Variants in PRKN observed in about 807,000 individuals in gnomAD.
The protein encoded by PRKN is parkin RBR E3 ubiquitin protein ligase.
PRKN carries 56 observed loss-of-function variants against 59.5 expected under a neutral mutation model. The ratio of observed to expected loss-of-function variants is 0.94; its 90% CI spans 0.76 to 1.18. PRKN has a LOEUF of 1.18. Among genes scored for constraint, PRKN ranks in the 50% most tolerant of loss-of-function variants. PRKN has a pLI of 0.00. For missense variants in PRKN, 657 were observed against 596.4 expected (o/e 1.10, Z -1.06); for synonymous variants, 250 against 222.1 (o/e 1.13, Z -1.12).
At chr6:162,439,027 A>G (rs1230797959) in intron 2 of PRKN, among the ~76,000 whole-genome samples, 4 of 151,976 alleles carry the variant, frequency 2.6e-5, no homozygotes, top group African/African-American at 9.7e-5. Context: ...CTATGTTCCA[A>G]CTTCCAGTTC....
chr6:162,191,347 T>A (rs913557884), intron 4 of PRKN, among the ~76,000 whole-genome samples: 2 of 152,210 alleles, frequency 1.3e-5, no homozygotes, highest in African/African-American at 4.8e-5. Flanking sequence ...TTCGTTACTA[T>A]CACTGGCCAT....
chr6:161,617,974 T>G (rs977129250), intron 7 of PRKN, among the ~76,000 whole-genome samples: 1 of 152,156 alleles, frequency 6.6e-6, no homozygotes, highest in African/African-American at 2.4e-5. Context: ...CTCACCTAAA[T>G]CTGACCAAAA....
At chr6:161,595,147 T>C (rs1157149779) in intron 7 of PRKN, among the ~76,000 whole-genome samples, 3 of 152,188 alleles carry the variant, frequency 2.0e-5, no homozygotes, top group Non-Finnish European at 2.9e-5. Flanking sequence ...TATATACTTG[T>C]TTCTATTGTG....
chr6:162,062,974 T>C (rs774936061), intron 4 of PRKN, among the ~76,000 whole-genome samples: 47 of 152,206 alleles, frequency 3.1e-4, no homozygotes, highest in Non-Finnish European at 4.9e-4. Context: ...AGGCTCTCTG[T>C]AGCAAATGTT....
chr6:162,207,047 C>A (rs1219859542), intron 3 of PRKN, among the ~76,000 whole-genome samples: 1 of 152,160 alleles, frequency 6.6e-6, no homozygotes, highest in Non-Finnish European at 1.5e-5. Flanking sequence ...TGAATCACCT[C>A]TTCTAAGGAC....
chr6:162,647,357 A>T (rs1344259429), intron 1 of PRKN, among the ~76,000 whole-genome samples: 1 of 152,150 alleles, frequency 6.6e-6, no homozygotes, highest in Non-Finnish European at 1.5e-5. Context: ...GAGAAAAAAC[A>T]TATTAGGTCA....
chr6:161,509,599 G>C (rs749106192), intron 9 of PRKN, among the ~76,000 whole-genome samples: 5 of 148,514 alleles, frequency 3.4e-5, no homozygotes, highest in Non-Finnish European at 7.4e-5. Flanking sequence ...AGAAAAAAAG[G>C]CTGGGCACGG....
At chr6:161,661,037 C>T (rs929225612) in intron 7 of PRKN, among the ~76,000 whole-genome samples, 1 of 152,150 alleles carries the variant, frequency 6.6e-6, no homozygotes, top group Admixed American at 6.5e-5. Flanking sequence ...TGGCTTCTCA[C>T]TGACCTCAGC....
In PRKN at chr6:161,468,442, T is replaced by G. The variant is rs1477739105; in HGVS notation, c.1083+80412A>C. Among the ~76,000 whole-genome samples the G allele has an allele frequency of 2.0e-5, 3 of 152,070 alleles. No homozygotes were observed. Among genetic ancestry groups the G allele is most frequent in the Non-Finnish European group, 4.4e-5 (3 of 68,020 alleles). On this transcript the variant is annotated intron_variant, in intron 9 of 11. Coordinates refer to ENST00000366898, the MANE Select transcript of PRKN (RefSeq NM_004562.3). This position sits in a 1 kb window ranked among gnomAD's most constrained non-coding sequence, Gnocchi z 5.9. ...ATAATAAATGTCAAATCCTACAGAG[T>G]ATCCTTTAAATGGCAAGGGGGTACT... is the stretch of plus-strand genomic sequence containing the variant.
chr6:162,149,449 C>T (rs542456942), intron 4 of PRKN, among the ~76,000 whole-genome samples: 1 of 152,080 alleles, frequency 6.6e-6, no homozygotes, highest in African/African-American at 2.4e-5. Context: ...GCACTGTGTT[C>T]GCCAGGCTGG....
intron 1 of PRKN, among the ~76,000 whole-genome samples, chr6:162,658,731 G>C (rs1180831443): frequency 2.1e-5 from 3 of 143,958 alleles, no homozygotes; most frequent in Non-Finnish European, 4.6e-5. Flanking sequence ...AAAAGAAATA[G>C]CCTGAAGATC....
intron 4 of PRKN, among the ~76,000 whole-genome samples, chr6:162,168,122 T>C (rs1783072469): frequency 6.6e-6 from 1 of 152,184 alleles, no homozygotes; most frequent in African/African-American, 2.4e-5. Context: ...AGTCAAATTA[T>C]AGTACCAATC....
At position 162,247,789 on chromosome 6, in the gene PRKN, T is replaced by A. The variant is rs548557185; in HGVS notation, c.412+14736A>T. On this transcript the variant is annotated intron_variant, in intron 3 of 11. Transcript: ENST00000366898. ...AAATCTACAATTATGAAAGGCAAAG[T>A]TTCCTCACTTGTGAATGAACCAAGA... 8.8e-4 allele frequency among the ~76,000 whole-genome samples: 134 copies of A among 152,308 alleles called. 1 individual carries two copies. The highest frequency in any genetic ancestry group is 1.6e-3 in the Admixed American group (25 of 15,296).
At chr6:161,657,216 C>CA (rs1784380535) in intron 7 of PRKN, among the ~76,000 whole-genome samples, 1 of 152,186 alleles carries the variant, frequency 6.6e-6, no homozygotes, top group African/African-American at 2.4e-5. Flanking sequence ...CTTTGACCCC[C>CA]ACATCTCAGC....
At chr6:162,619,822 A>G (rs1047693901) in intron 1 of PRKN, among the ~76,000 whole-genome samples, 2 of 152,152 alleles carry the variant, frequency 1.3e-5, no homozygotes, top group Non-Finnish European at 2.9e-5. Flanking sequence ...TCACTAAGCA[A>G]TGTATGATGG....
At chr6:161,874,837 A>C (rs1409674882) in intron 6 of PRKN, among the ~76,000 whole-genome samples, 2 of 99,358 alleles carry the variant, frequency 2.0e-5, no homozygotes, top group South Asian at 7.3e-4. Context: ...AAAATGTATA[A>C]TATATAAAAT....
chr6:162,275,663 C>T (rs9355997), intron 2 of PRKN, among the ~76,000 whole-genome samples: 84,018 of 151,634 alleles, frequency 0.55, 26,535 homozygotes, highest in East Asian at 0.85. Context: ...CGGATGCCTG[C>T]AATCCCAGCT....
intron 5 of PRKN, among the ~76,000 whole-genome samples, chr6:162,036,272 C>T (rs981871445): frequency 4.0e-5 from 6 of 151,494 alleles, no homozygotes; most frequent in South Asian, 2.1e-4. Flanking sequence ...TGCAGTGAGC[C>T]GAGATCACGC....
Position 161,459,229 on chromosome 6 carries a change from C to T in PRKN, c.1084-72352G>A, listed in dbSNP as rs970189642. ...ACAGTGGAAACCTGATCGAACTTGA[C>T]AGTCAGTGTGTTTGTGGGCTTCTCT... On this transcript the variant is annotated intron_variant, in intron 9 of 11. Transcript: ENST00000366898. The surrounding 1 kb of genome is among the most constrained non-coding windows in gnomAD (Gnocchi z 4.8). Among the ~76,000 whole-genome samples the T allele has an allele frequency of 1.3e-5, 2 of 152,184 alleles. No homozygotes were observed. The highest frequency in any genetic ancestry group is 6.5e-5 in the Admixed American group (1 of 15,286).
Sources: allele counts gnomAD v4.1 joint callset (sites outside exome capture counted in the v4.1 genomes callset), GRCh38; gene constraint gnomAD v4.1.1; non-coding constraint Gnocchi (gnomAD v3.1); transcripts MANE v1.5; gene names NCBI Gene and HGNC (gene_info 2026-07-23, HGNC 2026-07-21).